The following SLC9B1 variants were observed in gnomAD, a reference collection of about 807,000 sequenced individuals.
The protein encoded by SLC9B1 is solute carrier family 9 member B1, also known as sodium/hydrogen exchanger 9B1.
Under a neutral mutation model 51.7 loss-of-function variants are expected in SLC9B1, and 32 were observed. That is an observed-to-expected ratio of 0.62 (90% CI 0.47 to 0.83). SLC9B1 has a LOEUF of 0.83. SLC9B1 is among the 40% of genes least tolerant of loss of function. The pLI, the probability that SLC9B1 is intolerant of heterozygous loss-of-function variation, is 0.00. For missense variants in SLC9B1, 406 were observed against 613.2 expected (o/e 0.66, Z 3.57); for synonymous variants, 145 against 212.7 (o/e 0.68, Z 2.77).
intron 11 of SLC9B1, chr4:102,888,168 A>G (rs917577358): frequency 1.3e-5 from 2 of 152,130 alleles, no homozygotes; most frequent in African/African-American, 4.8e-5. Flanking sequence ...TTTGAAGATA[A>G]TTGGTAATAA....
At chr4:102,901,503 A>G (rs1205028999) in intron 11 of SLC9B1, among the ~76,000 whole-genome samples, 171 bp from the exon 12 acceptor site, 1 of 152,224 alleles carries the variant, frequency 6.6e-6, no homozygotes, top group Admixed American at 6.5e-5. Flanking sequence ...CCTAGCAAAT[A>G]TATGTGGAGG....
At chr4:102,997,523 C>T (rs999270667) in intron 1 of SLC9B1, among the ~76,000 whole-genome samples, 15 of 152,104 alleles carry the variant, frequency 9.9e-5, no homozygotes, top group South Asian at 2.1e-4. Context: ...CACTTTGTAT[C>T]AGGCCTTGAT....
At chr4:102,925,699 C>CAAAAAAAA (rs3974607) in intron 7 of SLC9B1, among the ~76,000 whole-genome samples, 11 of 137,370 alleles carry the variant, frequency 8.0e-5, no homozygotes, top group African/African-American at 1.6e-4. Context: ...TTCTTTTGTC[C>CAAAAAAAA]AAAAAAAAAA....
intron 7 of SLC9B1, among the ~76,000 whole-genome samples, chr4:102,916,376 G>T (rs188068862): frequency 2.5e-3 from 374 of 152,228 alleles, no homozygotes; most frequent in Non-Finnish European, 3.4e-3. Flanking sequence ...AATTGACCAA[G>T]AAGATATAGC....
At chr4:102,940,723 C>T (rs957789778) in intron 6 of SLC9B1, among the ~76,000 whole-genome samples, 1 of 152,188 alleles carries the variant, frequency 6.6e-6, no homozygotes, top group African/African-American at 2.4e-5. Flanking sequence ...TCTTTACAAA[C>T]TATGCATCCA....
In SLC9B1 at chr4:103,005,526, A is replaced by G. The variant is rs191649307; in HGVS notation, c.-1-13814T>C. Among the ~76,000 whole-genome samples, 15 of 152,312 alleles carry G rather than the reference A, an allele frequency of 9.8e-5. No homozygotes were observed. In the East Asian group the frequency reaches 2.1e-3, roughly 22 times the overall value. Reference sequence around the variant, plus strand: ...AAGCAGTGGGAAGTTTAAACATCCCATTGACAGTACTAGACAGATCACTGA... The same window carrying G: ...AAGCAGTGGGAAGTTTAAACATCCCGTTGACAGTACTAGACAGATCACTGA... On this transcript the variant is annotated intron_variant, in intron 1 of 11. Coordinates refer to ENST00000296422, the MANE Select transcript of SLC9B1 (RefSeq NM_139173.4).
intron 1 of SLC9B1, among the ~76,000 whole-genome samples, chr4:103,004,775 C>T (rs1029535699): frequency 6.6e-6 from 1 of 152,080 alleles, no homozygotes; most frequent in African/African-American, 2.4e-5. Context: ...ATTGAGGGGC[C>T]TATATTCAGC....
intron 11 of SLC9B1, chr4:102,888,833 G>C (rs1287568182): frequency 6.6e-6 from 1 of 152,240 alleles, no homozygotes; most frequent in African/African-American, 2.4e-5. Flanking sequence ...TCCCTTCACT[G>C]AGTGCGTTTC....
intron 3 of SLC9B1, among the ~76,000 whole-genome samples, chr4:102,980,166 C>A (rs767439321): frequency 2.6e-5 from 4 of 152,188 alleles, no homozygotes; most frequent in Non-Finnish European, 4.4e-5. Flanking sequence ...ATTAGTTCAA[C>A]CATTGTAGAA....
At chr4:102,948,866 A>G (rs890155550) in intron 4 of SLC9B1, among the ~76,000 whole-genome samples, 3 of 152,174 alleles carry the variant, frequency 2.0e-5, no homozygotes, top group African/African-American at 7.2e-5. Flanking sequence ...TGGGTATAGT[A>G]TTCACTATTT....
rs575089130 is a variant in SLC9B1 at position 102,904,394 on chromosome 4, T to A, written c.1332+1120A>T. ...ACTTTTTAAAATCATAACATTTAGC[T>A]TTGTTATATTCAGCAAAATATAAAA... On this transcript the variant is annotated intron_variant, in intron 11 of 11. Coordinates refer to ENST00000296422, the MANE Select transcript of SLC9B1 (RefSeq NM_139173.4). Among the ~76,000 whole-genome samples, 4 of 152,176 alleles carry A rather than the reference T, an allele frequency of 2.6e-5. No homozygotes were observed. In the South Asian group the frequency reaches 6.2e-4, roughly 24 times the overall value.
At chr4:102,991,219 CTAAG>C (rs776957013) in intron 2 of SLC9B1, among the ~76,000 whole-genome samples, 11 of 151,868 alleles carry the variant, frequency 7.2e-5, no homozygotes, top group Non-Finnish European at 1.2e-4. Context: ...GCAATTATTA[CTAAG>C]TAAAACTAGA....
chr4:102,947,454 A>G, intron 4 of SLC9B1, among the ~76,000 whole-genome samples: 1 of 152,168 alleles, frequency 6.6e-6, no homozygotes. Flanking sequence ...GGCTCACTGT[A>G]GGCTTAACCT....
chr4:102,911,328 G>T, intron 8 of SLC9B1, 103 bp downstream of exon 8: 1 of 769,634 alleles, frequency 1.3e-6, no homozygotes, highest in Non-Finnish European at 2.1e-6. Context: ...GCTAGTTTTA[G>T]AGAAATAGAA....
At chr4:103,019,438 G>T (rs1484518991) in intron 1 of SLC9B1, among the ~76,000 whole-genome samples, 161 bp downstream of exon 1, 8 of 152,234 alleles carry the variant, frequency 5.3e-5, no homozygotes, top group Admixed American at 5.2e-4. Flanking sequence ...GACAATGTCT[G>T]TGGCTGTTCC....
At chr4:102,962,475 T>C in intron 3 of SLC9B1, 1 of 501,294 alleles carries the variant, frequency 2.0e-6, no homozygotes, top group Non-Finnish European at 4.1e-6. Context: ...GAAATTATGT[T>C]TGAATTATTT....
intron 7 of SLC9B1, among the ~76,000 whole-genome samples, chr4:102,927,115 A>G (rs1736224824): frequency 6.6e-6 from 1 of 152,240 alleles, no homozygotes; most frequent in African/African-American, 2.4e-5. Flanking sequence ...TGGATTAAAG[A>G]CTTAAATGTT....
In SLC9B1 at chr4:102,945,228, A is replaced by T; in HGVS notation, c.618T>A (p.Ile206=). Reference sequence around the variant, plus strand: ...ATGCCCATTGCCAGGGAAATTTCATAATGAAGTGTGAAAAAACAGCAGCTG... The same window carrying T: ...ATGCCCATTGCCAGGGAAATTTCATTATGAAGTGTGAAAAAACAGCAGCTG... ...ASAAAVFSHF[I]MKFPWQWAFL... Residue 206 remains isoleucine, a synonymous_variant, in exon 6 of 12, where the codon ATT becomes ATA. Transcript: ENST00000296422. 1 of 1,609,060 alleles carries T rather than the reference A, an allele frequency of 6.2e-7. No homozygotes were observed. The highest frequency in any genetic ancestry group is 1.1e-5 in the South Asian group (1 of 90,358).
intron 3 of SLC9B1, among the ~76,000 whole-genome samples, chr4:102,951,558 A>T (rs1398031393): frequency 1.3e-5 from 2 of 152,052 alleles, no homozygotes; most frequent in African/African-American, 4.8e-5. Flanking sequence ...TAAATAGAAC[A>T]TCTAGAAAAA....
Sources: gnomAD v4.1 joint callset for allele counts (sites outside exome capture counted in the v4.1 genomes callset) on GRCh38, gnomAD v4.1.1 for gene constraint, MANE v1.5 for transcripts, NCBI Gene and HGNC (gene_info 2026-07-23, HGNC 2026-07-21) for gene names.